NCKAP5: variants seen among roughly 807,000 people sequenced by gnomAD.
NCKAP5 encodes the protein NCK associated protein 5.
In NCKAP5, 92 loss-of-function variants were observed where a neutral mutation model predicts 167.0. That is an observed-to-expected ratio of 0.55 (90% CI 0.47 to 0.66). NCKAP5 has a LOEUF of 0.66. NCKAP5 is among the 30% of genes least tolerant of loss of function. The pLI is 0.00. For synonymous variants in NCKAP5, 891 were observed against 877.4 expected, an observed-to-expected ratio of 1.02 and a Z score of -0.27; for missense variants, 2,378 against 2,315.0, an observed-to-expected ratio of 1.03 and a Z score of -0.56.
chr2:133,454,744 C>T (rs1691742707), intron 3 of NCKAP5, among the ~76,000 whole-genome samples: 1 of 152,086 alleles, frequency 6.6e-6, no homozygotes, highest in Non-Finnish European at 1.5e-5. Flanking sequence ...TACGGGCCTA[C>T]ATACTTTCAG....
At chr2:133,304,243 T>C (rs1009949890) in intron 3 of NCKAP5, among the ~76,000 whole-genome samples, 1 of 152,306 alleles carries the variant, frequency 6.6e-6, no homozygotes, top group South Asian at 2.1e-4. Flanking sequence ...TCCCATATAA[T>C]GGAAAGGGAC....
intron 3 of NCKAP5, among the ~76,000 whole-genome samples, chr2:133,511,837 G>C (rs572365182): frequency 6.6e-6 from 1 of 152,340 alleles, no homozygotes; most frequent in Non-Finnish European, 1.5e-5. Context: ...TGATATCAGA[G>C]AACAAAGATC....
At chr2:133,529,438 T>A (rs1685184457) in intron 2 of NCKAP5, among the ~76,000 whole-genome samples, 1 of 152,282 alleles carries the variant, frequency 6.6e-6, no homozygotes, top group East Asian at 1.9e-4. Flanking sequence ...TTCATAGTAC[T>A]ATAAAACAGA....
chr2:133,199,687 G>A (rs1027001072), intron 5 of NCKAP5, among the ~76,000 whole-genome samples: 1 of 151,766 alleles, frequency 6.6e-6, no homozygotes, highest in Non-Finnish European at 1.5e-5. Context: ...AAACATATAC[G>A]ATAATACCAG....
At position 132,782,071 on chromosome 2, in the gene NCKAP5, G is replaced by A. The variant is rs764416302; in HGVS notation, c.4740C>T (p.Gly1580=). 3.7e-6 allele frequency: 6 copies of A among 1,613,840 alleles called. No individual in the cohort carries two copies. The highest frequency in any genetic ancestry group is 2.2e-5 in the East Asian group (1 of 44,888). ...KDTKSADNPD[G]GLQSKNNRRT... is the part of the protein sequence containing the mutation. ...TCCGATTATTTTTGCTTTGTAAACC[G>A]CCATCTGGATTATCTGCTGACTTGG... The change falls in exon 14 of 20, where the codon GGC becomes GGT. Residue 1580 remains glycine (G), a synonymous_variant. Transcript: ENST00000409261.
intron 7 of NCKAP5, among the ~76,000 whole-genome samples, chr2:132,990,182 C>A (rs573131867): frequency 6.6e-6 from 1 of 152,102 alleles, no homozygotes; most frequent in Non-Finnish European, 1.5e-5. Context: ...TAAAAATAAG[C>A]CTGAGTTAGG....
In NCKAP5 at chr2:133,148,357, C is replaced by A. The variant is rs77669776; in HGVS notation, c.208-18246G>T. 3.3e-3 allele frequency among the ~76,000 whole-genome samples: 501 copies of A among 152,180 alleles called. 4 individuals are homozygous for A. The highest frequency in any genetic ancestry group is 0.011 in the African/African-American group (476 of 41,536). On this transcript the variant is annotated intron_variant, in intron 5 of 19. Coordinates refer to ENST00000409261, the MANE Select transcript of NCKAP5 (RefSeq NM_207363.3). ...CACTCTAAAATTCTTCCTTTAGTGC[C>A]TTTAAAGAGTTTGTTATTTAATTAA...
intron 1 of NCKAP5, among the ~76,000 whole-genome samples, chr2:133,561,877 A>T (rs1385326335): frequency 1.3e-5 from 2 of 152,222 alleles, no homozygotes; most frequent in South Asian, 4.1e-4. Flanking sequence ...AAACTAAGTA[A>T]ATATTAAAAA....
intron 2 of NCKAP5, among the ~76,000 whole-genome samples, chr2:133,519,675 C>G (rs1235511206): frequency 6.6e-6 from 1 of 152,164 alleles, no homozygotes. Flanking sequence ...AGCACATATG[C>G]ATTGAGTGCC....
intron 6 of NCKAP5, among the ~76,000 whole-genome samples, chr2:133,024,826 G>T (rs1179078309): frequency 6.6e-6 from 1 of 152,172 alleles, no homozygotes; most frequent in African/African-American, 2.4e-5. Flanking sequence ...TTTATGATAT[G>T]TTTCCTTGGA....
chr2:132,706,055 T>C (rs1688327116), intron 19 of NCKAP5, among the ~76,000 whole-genome samples: 1 of 152,188 alleles, frequency 6.6e-6, no homozygotes, highest in African/African-American at 2.4e-5. Context: ...TACATATATA[T>C]ACACATATAC....
chr2:132,718,583 T>C (rs141468932), intron 19 of NCKAP5, among the ~76,000 whole-genome samples: 1 of 152,200 alleles, frequency 6.6e-6, no homozygotes, highest in Non-Finnish European at 1.5e-5. Flanking sequence ...GTCTATATCC[T>C]TGAGAAAAAA....
intron 16 of NCKAP5, among the ~76,000 whole-genome samples, chr2:132,753,579 C>A (rs1344359988): frequency 6.6e-6 from 1 of 152,152 alleles, no homozygotes. Context: ...GCCTTTAATG[C>A]CCCCTCTCCC....
chr2:133,499,983 C>A (rs1475246957), intron 3 of NCKAP5, among the ~76,000 whole-genome samples: 2 of 152,090 alleles, frequency 1.3e-5, no homozygotes, highest in East Asian at 3.9e-4. Context: ...AGAGCAAGCA[C>A]TGTAAACACT....
At chr2:133,672,322 A>G in the NCKAP5 span, among the ~76,000 whole-genome samples, 1 of 152,250 alleles carries the variant, frequency 6.6e-6, no homozygotes, top group African/African-American at 2.4e-5. Flanking sequence ...TGCAAGGACC[A>G]GAACTTCTCA....
chr2:133,546,729 G>C (rs1686716505), intron 2 of NCKAP5, among the ~76,000 whole-genome samples: 1 of 152,080 alleles, frequency 6.6e-6, no homozygotes, highest in South Asian at 2.1e-4. Context: ...AACCATTTCA[G>C]GCATATGAAA....
intron 3 of NCKAP5, among the ~76,000 whole-genome samples, chr2:133,426,849 T>C (rs4954050): frequency 0.35 from 53,870 of 152,058 alleles, 9,769 homozygotes; most frequent in East Asian, 0.53. Flanking sequence ...TTTTTTTCTG[T>C]AAATCTCAAG....
the NCKAP5 span, among the ~76,000 whole-genome samples, chr2:133,605,350 G>C: frequency 6.6e-6 from 1 of 152,198 alleles, no homozygotes; most frequent in Non-Finnish European, 1.5e-5. Flanking sequence ...AGGGATATTT[G>C]TGTGGTCTGG....
chr2:133,132,471 G>GA (rs1160357818), intron 5 of NCKAP5, among the ~76,000 whole-genome samples: 29 of 92,628 alleles, frequency 3.1e-4, no homozygotes, highest in Non-Finnish European at 4.2e-4. Context: ...TTTAAAACAT[G>GA]AAAAAAAAAG....
Sources: allele counts gnomAD v4.1 joint callset (sites outside exome capture counted in the v4.1 genomes callset), GRCh38; gene constraint gnomAD v4.1.1; transcripts MANE v1.5; gene names NCBI Gene and HGNC (gene_info 2026-07-23, HGNC 2026-07-21).